The following DEPDC5 variants were observed in gnomAD, a reference collection of about 807,000 sequenced individuals.
DEPDC5 encodes the protein GATOR1 complex protein DEPDC5.
In DEPDC5, 73 loss-of-function variants were observed where a neutral mutation model predicts 217.3. The observed-to-expected ratio is 0.34, with a 90% CI of 0.28 to 0.41. The LOEUF (loss-of-function observed/expected upper bound fraction) is 0.41, where lower values mean the gene tolerates loss of function less well. Among genes scored for constraint, DEPDC5 ranks in the 10% least tolerant of loss-of-function variants. The pLI, the probability that DEPDC5 is intolerant of heterozygous loss-of-function variation, is 1.00. For synonymous variants in DEPDC5, 733 were observed against 756.7 expected (o/e 0.97, Z 0.51); for missense variants, 1,675 against 2,070.1 (o/e 0.81, Z 3.70).
intron 20 of DEPDC5, chr22:31,814,764 G>A: frequency 3.6e-6 from 2 of 559,396 alleles, no homozygotes; most frequent in Non-Finnish European, 6.4e-6. Flanking sequence ...TTACAACTAT[G>A]ATCCTAGGAC....
At chr22:31,826,515 T>C (rs2090156293) in intron 24 of DEPDC5, 1 of 422,886 alleles carries the variant, frequency 2.4e-6, no homozygotes, top group Non-Finnish European at 4.7e-6. Context: ...TTCTTCCCTG[T>C]CTTTAACCCC....
rs961201691 is a variant in DEPDC5, at chr22:31,808,258, A to AT, written c.1288-1335dup. Among the ~76,000 whole-genome samples the AT allele has an allele frequency of 7.1e-3, 951 of 133,112 alleles. 5 individuals are homozygous for AT. The highest frequency in any genetic ancestry group is 0.013 in the African/African-American group (481 of 36,244). 87.3% of individuals were successfully genotyped at this position (133,112 alleles called of 152,430 possible). A position where few individuals can be genotyped will look rare whatever the true frequency, so the allele number is the denominator to read the frequency against. On this transcript the variant is annotated intron_variant, in intron 18 of 42. Coordinates refer to ENST00000651528, the MANE Select transcript of DEPDC5 (RefSeq NM_001242896.3). Reference sequence around the variant, plus strand: ...CTACAGGCACATGCCACCATGCCTAATTTTTTTTTTTTTTTTTTGAGATGG... The same window carrying AT: ...CTACAGGCACATGCCACCATGCCTAATTTTTTTTTTTTTTTTTTTGAGATGG...
chr22:31,822,582 T>G (rs2089799170), intron 23 of DEPDC5, 111 bp from the exon 24 acceptor site: 1 of 990,670 alleles, frequency 1.0e-6, no homozygotes, highest in African/African-American at 1.6e-5. Flanking sequence ...GTTGGCTGAA[T>G]ATTCAGGCCT....
In DEPDC5 at chr22:31,797,928, CT is replaced by C. The variant is rs534957552; in HGVS notation, c.871+239del. ...AGGCCTTGTGGAGCCAGATGCCTTC[CT>C]TTTTTTTTTTTTTGAGACAGAGTCT... On this transcript the variant is annotated intron_variant, in intron 13 of 42. Coordinates refer to ENST00000651528, the MANE Select transcript of DEPDC5 (RefSeq NM_001242896.3). Among the ~76,000 whole-genome samples the C allele has an allele frequency of 0.012, 1,689 of 140,446 alleles. 20 individuals carry two copies. Among genetic ancestry groups the C allele is most frequent in the African/African-American group, 0.032 (1,230 of 38,518 alleles). 92.1% of individuals were successfully genotyped at this position (140,446 alleles called of 152,430 possible).
At chr22:31,763,719 T>C (rs115669485) in intron 4 of DEPDC5, among the ~76,000 whole-genome samples, 3,724 of 151,440 alleles carry the variant, frequency 0.025, 56 homozygotes, top group African/African-American at 0.04. Context: ...CAGGCATGAG[T>C]CACCATGCCT....
intron 10 of DEPDC5, among the ~76,000 whole-genome samples, chr22:31,785,702 A>T (rs2084914055): frequency 6.6e-6 from 1 of 152,152 alleles, no homozygotes; most frequent in African/African-American, 2.4e-5. Flanking sequence ...CCTAATTTCA[A>T]AACTTACTAA....
intron 40 of DEPDC5, among the ~76,000 whole-genome samples, chr22:31,900,918 G>T (rs1476701150): frequency 6.6e-6 from 1 of 151,572 alleles, no homozygotes; most frequent in African/African-American, 2.4e-5. Context: ...TCTACAAAAA[G>T]ATTTAAAAAT....
chr22:31,856,491 A>G, intron 31 of DEPDC5, among the ~76,000 whole-genome samples: 1 of 152,212 alleles, frequency 6.6e-6, no homozygotes, highest in South Asian at 2.1e-4. Context: ...GTGATATATT[A>G]AAGCAACATA....
At chr22:31,802,673 C>T in intron 14 of DEPDC5, 31 bp from the exon 15 acceptor site, 1 of 1,512,380 alleles carries the variant, frequency 6.6e-7, no homozygotes, top group East Asian at 2.5e-5. Flanking sequence ...GCTGTAACAT[C>T]ATTATTGTGG....
intron 26 of DEPDC5, 189 bp downstream of exon 26, chr22:31,837,344 T>A: frequency 3.1e-6 from 2 of 651,122 alleles, no homozygotes; most frequent in East Asian, 5.9e-5. Context: ...ATTTTATCTT[T>A]TTTTTTCCTT....
intron 33 of DEPDC5, among the ~76,000 whole-genome samples, chr22:31,865,846 C>G (rs1397075219): frequency 6.6e-6 from 1 of 152,220 alleles, no homozygotes; most frequent in Admixed American, 6.5e-5. Context: ...AGCTTTCCCT[C>G]TCTGCAAGGC....
chr22:31,792,838 A>G (rs1199649877), intron 12 of DEPDC5, 21 bp downstream of exon 12: 5 of 1,484,274 alleles, frequency 3.4e-6, no homozygotes, highest in African/African-American at 1.5e-5. Flanking sequence ...GTGCTTTGCT[A>G]TACTTTTTAT....
At chr22:31,861,229 C>G in intron 32 of DEPDC5, 139 bp from the exon 33 acceptor site, 132 of 357,404 alleles carry the variant, frequency 3.7e-4, no homozygotes, top group East Asian at 7.2e-4. Context: ...CCTTGTTTCT[C>G]TCCTTCCCTC....
At chr22:31,794,197 G>C (rs554194628) in intron 12 of DEPDC5, among the ~76,000 whole-genome samples, 5 of 151,978 alleles carry the variant, frequency 3.3e-5, no homozygotes, top group African/African-American at 1.2e-4. Context: ...TTGATCTTTT[G>C]TTGGATCCTG....
chr22:31,902,408 TTATATA>T (rs66813737), intron 41 of DEPDC5, among the ~76,000 whole-genome samples: 2,707 of 111,926 alleles, frequency 0.024, 162 homozygotes, highest in African/African-American at 0.084. Context: ...CATCTCCTTA[TTATATA>T]TATATATATA....
chr22:31,794,078 A>AATATT (rs1435521428), intron 12 of DEPDC5, among the ~76,000 whole-genome samples: 3 of 152,186 alleles, frequency 2.0e-5, no homozygotes, highest in African/African-American at 7.2e-5. Flanking sequence ...AAGTCCACAC[A>AATATT]ATATTAAGTG....
At chr22:31,879,049 T>A (rs200838835) in intron 37 of DEPDC5, among the ~76,000 whole-genome samples, 19,035 of 116,942 alleles carry the variant, frequency 0.16, 1,896 homozygotes, top group African/African-American at 0.27. Context: ...AAAAAATATA[T>A]ATATATATAT....
chr22:31,865,866 T>C (rs1037941684), intron 33 of DEPDC5, among the ~76,000 whole-genome samples: 4 of 152,190 alleles, frequency 2.6e-5, no homozygotes, highest in African/African-American at 9.6e-5. Flanking sequence ...CATATGGGAT[T>C]CTGTTGTGGA....
intron 20 of DEPDC5, among the ~76,000 whole-genome samples, chr22:31,812,182 G>T (rs2088447755): frequency 6.6e-6 from 1 of 150,614 alleles, no homozygotes; most frequent in Middle Eastern, 3.3e-3. Context: ...TAGAGACAGG[G>T]TTTCACTGTG....
Sources: allele counts gnomAD v4.1 joint callset (sites outside exome capture counted in the v4.1 genomes callset), GRCh38; gene constraint gnomAD v4.1.1; transcripts MANE v1.5; gene names NCBI Gene and HGNC (gene_info 2026-07-23, HGNC 2026-07-21).